Variants in EVA1A observed in about 807,000 individuals in gnomAD.
The protein encoded by EVA1A is eva-1 homolog A, regulator of programmed cell death.
EVA1A carries 7 observed loss-of-function variants against 9.8 expected under a neutral mutation model. The ratio of observed to expected loss-of-function variants is 0.71; its 90% confidence interval spans 0.41 to 1.34. EVA1A has a LOEUF of 1.34. Among genes scored for constraint, EVA1A ranks in the 40% most tolerant of loss-of-function variants. The pLI, the probability that EVA1A is intolerant of heterozygous loss-of-function variation, is 0.01. For missense variants in EVA1A, 206 were observed against 205.9 expected (o/e 1.00, Z 0.00); for synonymous variants, 90 against 85.6 (o/e 1.05, Z -0.28).
chr2:75,520,687 A>T (rs1675201912), intron 2 of EVA1A, among the ~76,000 whole-genome samples: 1 of 152,168 alleles, frequency 6.6e-6, no homozygotes, highest in African/African-American at 2.4e-5. Flanking sequence ...CTATATAAAA[A>T]ATTAACTCAA....
intron 1 of EVA1A, among the ~76,000 whole-genome samples, chr2:75,569,081 A>C (rs1677078898): frequency 6.6e-6 from 1 of 152,226 alleles, no homozygotes; most frequent in Non-Finnish European, 1.5e-5. Context: ...CTTTCCCATC[A>C]GCAGTGTAAA....
At chr2:75,540,022 G>A (rs1213458657) in intron 1 of EVA1A, among the ~76,000 whole-genome samples, 7 of 152,132 alleles carry the variant, frequency 4.6e-5, no homozygotes, top group Non-Finnish European at 1.0e-4. Context: ...AGGGAGAGAG[G>A]GAAGAAATAC....
At chr2:75,548,296 C>T (rs555605807) in intron 1 of EVA1A, among the ~76,000 whole-genome samples, 36 of 152,270 alleles carry the variant, frequency 2.4e-4, no homozygotes, top group African/African-American at 5.1e-4. Context: ...CCATGCCTGG[C>T]TAATATTTTT....
At chr2:75,499,224 T>A (rs1029419069) in intron 3 of EVA1A, among the ~76,000 whole-genome samples, 1 of 152,190 alleles carries the variant, frequency 6.6e-6, no homozygotes, top group Non-Finnish European at 1.5e-5. Context: ...GAAGGCACTC[T>A]CATTTATTAG....
intron 1 of EVA1A, among the ~76,000 whole-genome samples, chr2:75,560,412 A>G (rs1421969302): frequency 2.0e-5 from 3 of 152,066 alleles, no homozygotes; most frequent in East Asian, 3.9e-4. Context: ...GGGAGTTGAG[A>G]GTTGTTCTAT....
At chr2:75,566,877 C>T (rs1375157550) in intron 1 of EVA1A, among the ~76,000 whole-genome samples, 1 of 151,742 alleles carries the variant, frequency 6.6e-6, no homozygotes, top group African/African-American at 2.4e-5. Flanking sequence ...TAGGGGAATT[C>T]TCATGCCCAG....
intron 1 of EVA1A, among the ~76,000 whole-genome samples, chr2:75,531,907 C>T (rs1675665818): frequency 6.6e-6 from 1 of 152,108 alleles, no homozygotes; most frequent in South Asian, 2.1e-4. Flanking sequence ...CGCCTGTAAT[C>T]CCAGCACTTT....
At chr2:75,562,166 AG>A (rs1676939247), upstream of EVA1A, among the ~76,000 whole-genome samples, 1 of 152,224 alleles carries the variant, frequency 6.6e-6, no homozygotes, top group Admixed American at 6.5e-5. Flanking sequence ...ACTGGCTGCT[AG>A]ACCACTGACT....
chr2:75,519,168 T>C (rs1675143746), intron 2 of EVA1A, among the ~76,000 whole-genome samples: 2 of 152,200 alleles, frequency 1.3e-5, no homozygotes, highest in African/African-American at 4.8e-5. Flanking sequence ...AGAGAGCTCC[T>C]GGGCACGAAG....
chr2:75,534,396 T>C (rs1329848376), intron 1 of EVA1A, among the ~76,000 whole-genome samples: 2 of 152,048 alleles, frequency 1.3e-5, no homozygotes, highest in Admixed American at 6.5e-5. Flanking sequence ...TAAATATATA[T>C]ATGTAGTAAC....
chr2:75,520,027 C>A lies in EVA1A; in HGVS notation c.-68-1819G>T, dbSNP rs1033663129. Among the ~76,000 whole-genome samples the A allele has an allele frequency of 2.0e-5, 3 of 152,160 alleles. No homozygotes were observed. The East Asian group carries it at 5.8e-4, about 29-fold the overall frequency. On this transcript the variant is annotated intron_variant, in intron 2 of 3. Coordinates refer to ENST00000393913, the MANE Select transcript of EVA1A (RefSeq NM_001135032.2). ...TAATGAATTTCCATTGACCTCTTAA[C>A]ACAATACACATCCACTTTCACAATA...
At chr2:75,547,169 T>C (rs540382097) in intron 1 of EVA1A, among the ~76,000 whole-genome samples, 1 of 152,326 alleles carries the variant, frequency 6.6e-6, no homozygotes, top group African/African-American at 2.4e-5. Context: ...TTGGTATTTG[T>C]CCTCCCTACG....
intron 1 of EVA1A, chr2:75,540,646 A>G (rs1258163105): frequency 6.6e-6 from 1 of 152,220 alleles, no homozygotes; most frequent in Non-Finnish European, 1.5e-5. Flanking sequence ...AGTCTTCAGA[A>G]TGAGAAGAAA....
chr2:75,513,428 T>C (rs1322809043), intron 3 of EVA1A, among the ~76,000 whole-genome samples: 14 of 152,216 alleles, frequency 9.2e-5, no homozygotes, highest in Non-Finnish European at 1.9e-4. Context: ...TCTTCCTCCT[T>C]GCCCGATAAC....
rs547484779 is a variant in EVA1A, at chr2:75,533,337, G to A, written c.-191-10850C>T. On this transcript the variant is annotated intron_variant, in intron 1 of 3. Coordinates refer to ENST00000393913, the MANE Select transcript of EVA1A (RefSeq NM_001135032.2). ...TAAGTAGCACAATGTATGTTTCAGC[G>A]GCTGAAAGAAATGAACTGTGAATCC... 7.9e-5 allele frequency among the ~76,000 whole-genome samples: 12 copies of A among 152,094 alleles called. No individual in the cohort carries two copies. The South Asian group carries it at 8.3e-4, about 11-fold the overall frequency.
intron 1 of EVA1A, among the ~76,000 whole-genome samples, chr2:75,533,166 AAAAG>A (rs1166676102): frequency 1.3e-5 from 2 of 151,874 alleles, no homozygotes; most frequent in African/African-American, 4.8e-5. Flanking sequence ...AAAAAAAGAA[AAAAG>A]AAAGAAGAAA....
At chr2:75,533,135 T>A in intron 1 of EVA1A, among the ~76,000 whole-genome samples, 1 of 134,994 alleles carries the variant, frequency 7.4e-6, no homozygotes, top group African/African-American at 2.9e-5. Flanking sequence ...AGTGACAGAG[T>A]GAGACCCTGT....
intron 1 of EVA1A, among the ~76,000 whole-genome samples, chr2:75,540,347 A>T (rs1676065965): frequency 6.6e-6 from 1 of 152,266 alleles, no homozygotes; most frequent in Non-Finnish European, 1.5e-5. Context: ...ATCTGAATAG[A>T]CGGAAGCACA....
At chr2:75,563,250 G>A (rs1442669536), upstream of EVA1A, among the ~76,000 whole-genome samples, 2 of 152,230 alleles carry the variant, frequency 1.3e-5, no homozygotes, top group Non-Finnish European at 2.9e-5. Context: ...TTCTGGTTGT[G>A]CAGCAGGACA....
Sources: allele counts gnomAD v4.1 joint callset (sites outside exome capture counted in the v4.1 genomes callset), GRCh38; gene constraint gnomAD v4.1.1; transcripts MANE v1.5; gene names NCBI Gene and HGNC (gene_info 2026-07-23, HGNC 2026-07-21).